The following FAM110B variants were observed in gnomAD, a reference collection of about 807,000 sequenced individuals.
The protein encoded by FAM110B is protein FAM110B.
In FAM110B, 6 loss-of-function variants were observed where a neutral mutation model predicts 20.4. The ratio of observed to expected loss-of-function variants is 0.29; its 90% CI spans 0.16 to 0.58. FAM110B has a LOEUF of 0.58. FAM110B is among the 20% of genes least tolerant of loss of function. The pLI is 0.90. For synonymous variants in FAM110B, 226 were observed against 214.1 expected, an observed-to-expected ratio of 1.06 and a Z score of -0.49; for missense variants, 434 against 498.2, an observed-to-expected ratio of 0.87 and a Z score of 1.23.
intron 1 of FAM110B, among the ~76,000 whole-genome samples, chr8:57,996,205 T>C (rs1052897129): frequency 3.3e-5 from 5 of 152,250 alleles, no homozygotes; most frequent in Admixed American, 6.5e-5. Flanking sequence ...TAATCTGTAG[T>C]ATTACTATAG....
chr8:58,065,898 C>T (rs1044432434), intron 2 of FAM110B, among the ~76,000 whole-genome samples: 2 of 152,154 alleles, frequency 1.3e-5, no homozygotes, highest in Non-Finnish European at 2.9e-5. Context: ...GAATCTGTCT[C>T]CTTCCCTGGT....
intron 3 of FAM110B, among the ~76,000 whole-genome samples, chr8:58,137,048 AT>A (rs1440951263): frequency 3.3e-5 from 5 of 152,116 alleles, no homozygotes; most frequent in Non-Finnish European, 7.4e-5. Context: ...GAAACTACAT[AT>A]TTTCTCTGTA....
chr8:58,062,663 G>A (rs1262768858), intron 2 of FAM110B, among the ~76,000 whole-genome samples: 8 of 152,082 alleles, frequency 5.3e-5, no homozygotes, highest in East Asian at 1.9e-4. Flanking sequence ...TTTTAAACTC[G>A]ATTCCCACTA....
In FAM110B at chr8:58,147,366, G is replaced by A. The variant is rs1219350652; in HGVS notation, c.*23G>A. On this transcript the variant is annotated 3_prime_UTR_variant, in exon 4 of 4. Transcript: ENST00000519262. Reference sequence around the variant, plus strand: ...TAAGACAGTGCGTGGAAAGGAGGGAGCGTGGGTCTCTGTGCTTACGCAGTT... The same window carrying A: ...TAAGACAGTGCGTGGAAAGGAGGGAACGTGGGTCTCTGTGCTTACGCAGTT... The A allele has an allele frequency of 3.1e-6, 5 of 1,599,800 alleles. No homozygotes were observed. In the Admixed American group the frequency reaches 6.7e-5, roughly 22 times the overall value.
At position 58,137,626 on chromosome 8, in the gene FAM110B, G is replaced by T. The variant is rs1803650935; in HGVS notation, c.-324-8281G>T. 2.0e-5 allele frequency among the ~76,000 whole-genome samples: 3 copies of T among 152,004 alleles called. No homozygotes were observed. The South Asian group carries it at 6.2e-4, about 32-fold the overall frequency. On this transcript the variant is annotated intron_variant, in intron 3 of 3. Coordinates refer to ENST00000519262, the MANE Select transcript of FAM110B (RefSeq NM_001377989.1). ...TGAGCTCCTGACCAAGCACTTTCAT[G>T]TGTCACCTCAAGGAATTCTCACCCC...
rs1416634142 is a variant in FAM110B at position 58,094,895 on chromosome 8, G to C, written c.-325+19272G>C. On this transcript the variant is annotated intron_variant, in intron 3 of 3. Coordinates refer to ENST00000519262, the MANE Select transcript of FAM110B (RefSeq NM_001377989.1). The stretch of plus-strand genomic sequence containing the variant: ...TCTTGTCTTGGATTTTTTTTGGTTG[G>C]TAGGCTATTAATTACTGCCTCAGTT... Among the ~76,000 whole-genome samples the C allele has an allele frequency of 1.1e-4, 16 of 151,910 alleles. 1 individual carries two copies. Among genetic ancestry groups the C allele is most frequent in the Admixed American group, 1.0e-3 (16 of 15,256 alleles).
chr8:58,083,923 A>G (rs1403971128), intron 3 of FAM110B, among the ~76,000 whole-genome samples: 1 of 152,238 alleles, frequency 6.6e-6, no homozygotes, highest in Non-Finnish European at 1.5e-5. Flanking sequence ...AGGAGATCCA[A>G]GAAAATGATG....
At chr8:58,020,909 G>A (rs987055515) in intron 1 of FAM110B, among the ~76,000 whole-genome samples, 1 of 96,644 alleles carries the variant, frequency 1.0e-5, no homozygotes, top group African/African-American at 8.6e-5. Flanking sequence ...TAGACGAGGC[G>A]TCCTCAGATA....
chr8:58,057,527 C>A (rs1041494776), intron 2 of FAM110B, among the ~76,000 whole-genome samples: 2 of 152,168 alleles, frequency 1.3e-5, no homozygotes, highest in African/African-American at 4.8e-5. Flanking sequence ...GATCCAAAAT[C>A]TCTCAAACAG....
chr8:58,005,128 T>G (rs1340626433), intron 1 of FAM110B, among the ~76,000 whole-genome samples: 2 of 152,170 alleles, frequency 1.3e-5, no homozygotes, highest in East Asian at 3.9e-4. Context: ...AAGTGAGAGA[T>G]GTGTGACTCT....
chr8:58,106,513 G>T (rs1806922671), intron 3 of FAM110B, among the ~76,000 whole-genome samples: 1 of 152,218 alleles, frequency 6.6e-6, no homozygotes, highest in Non-Finnish European at 1.5e-5. Context: ...AATAGCTGAT[G>T]GTGGGGATGT....
At chr8:58,049,430 C>T (rs1034058652) in intron 2 of FAM110B, among the ~76,000 whole-genome samples, 4 of 151,668 alleles carry the variant, frequency 2.6e-5, no homozygotes, top group Non-Finnish European at 5.9e-5. Flanking sequence ...TAGTTGCTTA[C>T]ACTCCTTAGG....
intron 1 of FAM110B, chr8:58,031,262 T>A (rs576781967): frequency 6.6e-6 from 1 of 152,210 alleles, no homozygotes; most frequent in Non-Finnish European, 1.5e-5. Context: ...CATCATTTTC[T>A]GCATGATTCT....
intron 2 of FAM110B, among the ~76,000 whole-genome samples, chr8:58,048,704 CCTT>C: frequency 6.6e-6 from 1 of 152,222 alleles, no homozygotes; most frequent in East Asian, 1.9e-4. Context: ...CCCATGTTGT[CCTT>C]CTCACTACAT....
chr8:58,063,493 G>A (rs1195196665), intron 2 of FAM110B, among the ~76,000 whole-genome samples: 1 of 152,106 alleles, frequency 6.6e-6, no homozygotes, highest in Non-Finnish European at 1.5e-5. Context: ...GAAACAAGAA[G>A]TGTTTTGAAT....
intron 3 of FAM110B, among the ~76,000 whole-genome samples, chr8:58,099,372 T>G (rs752137330): frequency 2.6e-5 from 4 of 151,862 alleles, no homozygotes; most frequent in Non-Finnish European, 5.9e-5. Context: ...AAAATCAAAA[T>G]CCAAAACACT....
At chr8:58,024,224 C>T (rs1475906384) in intron 1 of FAM110B, among the ~76,000 whole-genome samples, 7 of 141,446 alleles carry the variant, frequency 4.9e-5, no homozygotes, top group South Asian at 2.2e-4. Context: ...TGTTTCAACT[C>T]GGTCCAAATA....
chr8:58,060,894 C>T (rs911609156), intron 2 of FAM110B, among the ~76,000 whole-genome samples: 13 of 152,086 alleles, frequency 8.5e-5, no homozygotes, highest in Admixed American at 5.9e-4. Flanking sequence ...GCGAGACCCA[C>T]CATGACTGAT....
At chr8:58,025,147 G>T (rs1391438349) in intron 1 of FAM110B, among the ~76,000 whole-genome samples, 2 of 152,174 alleles carry the variant, frequency 1.3e-5, no homozygotes, top group African/African-American at 4.8e-5. Flanking sequence ...GTTTAGTGAC[G>T]AGATACAGCT....
Sources: allele counts gnomAD v4.1 joint callset (sites outside exome capture counted in the v4.1 genomes callset), GRCh38; gene constraint gnomAD v4.1.1; transcripts MANE v1.5; gene names NCBI Gene and HGNC (gene_info 2026-07-23, HGNC 2026-07-21).